CLINT1: variants seen among roughly 807,000 people sequenced by gnomAD.
The protein encoded by CLINT1 is clathrin interactor 1, also known as clathrin interacting protein localized in the trans-Golgi region.
A neutral mutation model predicts 70.4 loss-of-function variants in CLINT1; 15 were observed. That is an observed-to-expected ratio of 0.21 (90% CI 0.14 to 0.33). The LOEUF is 0.33. Ranked by LOEUF, CLINT1 falls within the 10% of genes least tolerant of loss-of-function variation. The pLI, the probability that CLINT1 is intolerant of heterozygous loss-of-function variation, is 1.00. For synonymous variants in CLINT1, 227 were observed against 254.7 expected, an observed-to-expected ratio of 0.89 and a Z score of 1.04; for missense variants, 615 against 778.1, an observed-to-expected ratio of 0.79 and a Z score of 2.49.
chr5:157,791,641 C>T lies in CLINT1; in HGVS notation c.1380+62G>A, dbSNP rs1051516009. 7 of 1,430,226 alleles carry T rather than the reference C, an allele frequency of 4.9e-6. No individual in the cohort carries two copies. In the Admixed American group the frequency reaches 1.1e-4, roughly 22 times the overall value. The allele number at this position is 1,430,226 out of a possible 1,614,324, so 88.6% of individuals were successfully genotyped here. ...TTCTGTTTTATACTAATCTATCATTCAATGAGTTAGAGCATCTCAAAGATT... is the reference window on the plus strand; with the variant it reads ...TTCTGTTTTATACTAATCTATCATTTAATGAGTTAGAGCATCTCAAAGATT... On this transcript the variant is annotated intron_variant, in intron 10 of 11. Coordinates refer to ENST00000411809, the MANE Select transcript of CLINT1 (RefSeq NM_014666.4).
intron 1 of CLINT1, among the ~76,000 whole-genome samples, chr5:157,847,080 C>T (rs543838677): frequency 2.0e-5 from 3 of 152,158 alleles, no homozygotes. Context: ...GTCATTTAGA[C>T]TTTCAAGTCT....
intron 1 of CLINT1, among the ~76,000 whole-genome samples, chr5:157,831,845 CCAT>C (rs1763254557): frequency 6.6e-6 from 1 of 152,082 alleles, no homozygotes; most frequent in Non-Finnish European, 1.5e-5. Flanking sequence ...GCGTACACCA[CCAT>C]GTCCAGCTAA....
In CLINT1 at chr5:157,858,911, AC is replaced by A; in HGVS notation, c.41+18del. The A allele has an allele frequency of 1.2e-6, 1 of 825,166 alleles. No homozygotes were observed. The highest frequency in any genetic ancestry group is 1.8e-6 in the Non-Finnish European group (1 of 562,348). The allele number at this position is 825,166 out of a possible 1,614,324, so 51.1% of individuals were successfully genotyped here. A position where few individuals can be genotyped will look rare whatever the true frequency, so the allele number is the denominator to read the frequency against. ...CTCCCCCACGTGGGCCTCGGCCACA[AC>A]TGCCCCCCGATACTCACGCTTTGTC... On this transcript the variant is annotated intron_variant, in intron 1 of 11. Transcript: ENST00000411809.
Position 157,787,615 on chromosome 5 carries a change from T to G in CLINT1, c.*31A>C. 11 of 1,584,612 alleles carry G rather than the reference T, an allele frequency of 6.9e-6. No homozygotes were observed. The highest frequency in any genetic ancestry group is 9.5e-6 in the Non-Finnish European group (11 of 1,156,590). On this transcript the variant is annotated 3_prime_UTR_variant, in exon 12 of 12. Transcript: ENST00000411809. ...ATCACCTATCTGCACAGCTAAAAAT[T>G]CTTCATTCAATCTGCTTCTTTTACA...
intron 1 of CLINT1, among the ~76,000 whole-genome samples, chr5:157,822,040 A>G (rs184945463): frequency 8.3e-4 from 127 of 152,282 alleles, no homozygotes; most frequent in Admixed American, 2.8e-3. Context: ...AGTTTTGCAC[A>G]CATGCTTTGA....
At chr5:157,834,316 GACTGCGCC>G (rs1219500267) in intron 1 of CLINT1, among the ~76,000 whole-genome samples, 2 of 151,786 alleles carry the variant, frequency 1.3e-5, no homozygotes, top group African/African-American at 4.8e-5. Context: ...AGTAAGCCGA[GACTGCGCC>G]ACTGCGCCAC....
intron 1 of CLINT1, among the ~76,000 whole-genome samples, chr5:157,821,365 T>C (rs1003069142): frequency 1.4e-5 from 2 of 143,848 alleles, no homozygotes; most frequent in African/African-American, 5.2e-5. Context: ...ATTTAATTTC[T>C]GCAAACATAA....
intron 6 of CLINT1, among the ~76,000 whole-genome samples, chr5:157,807,210 G>C (rs2113183110): frequency 6.6e-6 from 1 of 152,060 alleles, no homozygotes; most frequent in South Asian, 2.1e-4. Flanking sequence ...CAAAAAGAAT[G>C]ACTTCCCACA....
At chr5:157,823,492 C>G (rs1381128879) in intron 1 of CLINT1, among the ~76,000 whole-genome samples, 1 of 152,032 alleles carries the variant, frequency 6.6e-6, no homozygotes, top group Non-Finnish European at 1.5e-5. Flanking sequence ...AAAATATATA[C>G]ATACAGACTA....
chr5:157,803,312 A>G (rs998047101), intron 8 of CLINT1, among the ~76,000 whole-genome samples: 10 of 152,254 alleles, frequency 6.6e-5, no homozygotes, highest in African/African-American at 2.4e-4. Context: ...ATTAGGGAAG[A>G]CACAGTACAT....
At chr5:157,804,893 C>T (rs936320046) in intron 7 of CLINT1, among the ~76,000 whole-genome samples, 5 of 151,970 alleles carry the variant, frequency 3.3e-5, no homozygotes, top group Non-Finnish European at 5.9e-5. Context: ...CGCCATTGCA[C>T]TCTAGCCTGG....
At chr5:157,848,464 C>T (rs1286646694) in intron 1 of CLINT1, among the ~76,000 whole-genome samples, 2 of 151,544 alleles carry the variant, frequency 1.3e-5, no homozygotes, top group African/African-American at 4.9e-5. Flanking sequence ...GAGTGGGCAA[C>T]TTAGCTGATA....
At chr5:157,836,201 TG>T (rs1763416813) in intron 1 of CLINT1, among the ~76,000 whole-genome samples, 1 of 152,226 alleles carries the variant, frequency 6.6e-6, no homozygotes, top group African/African-American at 2.4e-5. Context: ...ATAACTCTAA[TG>T]GGCCAGGCAT....
intron 6 of CLINT1, among the ~76,000 whole-genome samples, chr5:157,808,430 T>C: frequency 6.6e-6 from 1 of 152,146 alleles, no homozygotes. Context: ...GTTCCATCAC[T>C]AACTGTGTTA....
intron 1 of CLINT1, among the ~76,000 whole-genome samples, chr5:157,824,053 T>C (rs1762957017): frequency 6.6e-6 from 1 of 152,212 alleles, no homozygotes; most frequent in South Asian, 2.1e-4. Context: ...AACTGATCCC[T>C]GGTGCCAAAA....
intron 9 of CLINT1, among the ~76,000 whole-genome samples, chr5:157,792,774 T>C (rs964377237): frequency 5.9e-5 from 9 of 152,194 alleles, no homozygotes; most frequent in African/African-American, 1.4e-4. Flanking sequence ...TCTTAATCAC[T>C]ACAGTCTTAT....
In CLINT1 at chr5:157,859,022, C is replaced by A. The variant is rs917635152; in HGVS notation, c.-52G>T. Reference sequence around the variant, plus strand: ...CCTCCCTCTCCTGCTCCCCACGGACCCCGGAACACTTCCGTACCGGGGCAG... The same window carrying A: ...CCTCCCTCTCCTGCTCCCCACGGACACCGGAACACTTCCGTACCGGGGCAG... On this transcript the variant is annotated 5_prime_UTR_variant, in exon 1 of 12. Transcript: ENST00000411809. 6.2e-7 allele frequency: 1 copy of A among 1,604,202 alleles called. No individual in the cohort carries two copies. Among genetic ancestry groups the A allele is most frequent in the African/African-American group, 1.3e-5 (1 of 74,496 alleles).
Position 157,809,615 on chromosome 5 carries a change from A to C in CLINT1, c.695+13T>G. ...TCTTTCTAAGAGACCCGGGAGACAA[A>C]GTGGTAAAATACCTGCATCTTTCTG... On this transcript the variant is annotated intron_variant, in intron 6 of 11. Transcript: ENST00000411809. 4.4e-6 allele frequency: 7 copies of C among 1,582,566 alleles called. No homozygotes were observed. Among genetic ancestry groups the C allele is most frequent in the Non-Finnish European group, 6.0e-6 (7 of 1,168,006 alleles).
chr5:157,796,885 T>TAC (rs1561639573), intron 8 of CLINT1, among the ~76,000 whole-genome samples: 1 of 146,020 alleles, frequency 6.8e-6, no homozygotes, highest in African/African-American at 2.5e-5. Flanking sequence ...TGCTCATACA[T>TAC]ACATATATAT....
Sources: allele counts gnomAD v4.1 joint callset (sites outside exome capture counted in the v4.1 genomes callset), GRCh38; gene constraint gnomAD v4.1.1; transcripts MANE v1.5; gene names NCBI Gene and HGNC (gene_info 2026-07-23, HGNC 2026-07-21).